SNED1: variants seen among roughly 807,000 people sequenced by gnomAD.
SNED1 encodes the protein sushi, nidogen and EGF-like domain-containing protein 1.
In SNED1, 81 loss-of-function variants were observed where a neutral mutation model predicts 166.7. That is an observed-to-expected ratio of 0.49 (90% CI 0.41 to 0.58). The LOEUF (loss-of-function observed/expected upper bound fraction) is 0.58, where lower values mean the gene tolerates loss of function less well. Among genes scored for constraint, SNED1 ranks in the 20% least tolerant of loss-of-function variants. SNED1 has a pLI of 0.00. For missense variants in SNED1, 1,604 were observed against 2,000.2 expected (o/e 0.80, Z 3.78); for synonymous variants, 762 against 822.0 (o/e 0.93, Z 1.25).
intron 5 of SNED1, 74 bp from the exon 6 acceptor site, chr2:241,037,166 C>A: frequency 7.6e-7 from 1 of 1,322,014 alleles, no homozygotes; most frequent in Non-Finnish European, 1.1e-6. Flanking sequence ...CGTCCCCGGC[C>A]CAACCCGAGC....
intron 1 of SNED1, among the ~76,000 whole-genome samples, chr2:241,004,187 A>C (rs2060154242): frequency 6.6e-6 from 1 of 152,196 alleles, no homozygotes; most frequent in South Asian, 2.1e-4. Context: ...CACTGATAAA[A>C]CTGCAGTCTG....
chr2:241,072,673 C>G (rs951336670), intron 26 of SNED1: 1 of 205,892 alleles, frequency 4.9e-6, no homozygotes. Flanking sequence ...AGAGAGCCCC[C>G]AGCAAGGTGT....
At chr2:241,036,375 C>A (rs1318872783) in intron 4 of SNED1, among the ~76,000 whole-genome samples, 1 of 152,240 alleles carries the variant, frequency 6.6e-6, no homozygotes, top group South Asian at 2.1e-4. Context: ...CCAGCCACAC[C>A]CCCTGCGTGG....
At chr2:241,079,411 C>CAAAAAA (rs757361914) in intron 27 of SNED1, among the ~76,000 whole-genome samples, 124 of 74,462 alleles carry the variant, frequency 1.7e-3, no homozygotes, top group Non-Finnish European at 3.0e-3. Context: ...GACTCCATCT[C>CAAAAAA]AAAAAAAAAA....
At chr2:241,003,128 GC>G (rs1383113651) in intron 1 of SNED1, among the ~76,000 whole-genome samples, 1 of 144,778 alleles carries the variant, frequency 6.9e-6, no homozygotes, top group Non-Finnish European at 1.5e-5. Context: ...CCTCCCCCGG[GC>G]CCCCCGCTCA....
chr2:241,087,528 A>G lies in SNED1; in HGVS notation c.4205+53A>G, dbSNP rs188319553. 5.7e-4 allele frequency: 885 copies of G among 1,554,272 alleles called. 5 individuals carry two copies. In the Middle Eastern group the frequency reaches 0.017, roughly 30 times the overall value. ...TGTCCTGCATGTAGCCCACAGGGTG[A>G]TGGGGCAAGGGCGGGGTGCTATGGG... On this transcript the variant is annotated intron_variant, in intron 30 of 31. Transcript: ENST00000310397.
Position 241,051,333 on chromosome 2 carries a change from G to C in SNED1, c.1736-411G>C, listed in dbSNP as rs1316782029. 1 of 175,718 alleles carries C rather than the reference G, an allele frequency of 5.7e-6. No individual in the cohort carries two copies. Among genetic ancestry groups the C allele is most frequent in the Non-Finnish European group, 1.2e-5 (1 of 84,300 alleles). 10.9% of individuals were successfully genotyped at this position (175,718 alleles called of 1,614,324 possible). On this transcript the variant is annotated intron_variant, in intron 12 of 31. Coordinates refer to ENST00000310397, the MANE Select transcript of SNED1 (RefSeq NM_001080437.3). The surrounding 1 kb of genome is among the most constrained non-coding windows in gnomAD (Gnocchi z 4.7). ...TGCCAATGCAGGTACAGAACACACAGAAATCCAGATTGACTGCTGGGGACC... is the reference window on the plus strand; with the variant it reads ...TGCCAATGCAGGTACAGAACACACACAAATCCAGATTGACTGCTGGGGACC...
Position 241,073,166 on chromosome 2 carries a change from C to T in SNED1, c.3818-100C>T. 1.2e-6 allele frequency: 1 copy of T among 838,512 alleles called. No homozygotes were observed. 51.9% of individuals were successfully genotyped at this position (838,512 alleles called of 1,614,324 possible). A position where few individuals can be genotyped will look rare whatever the true frequency, so the allele number is the denominator to read the frequency against. ...GGAGCCTGGTCCCCACCAGGGACAT[C>T]CGTGCTCCCTGAGATATAGAAGCAC... On this transcript the variant is annotated intron_variant, in intron 26 of 31. Transcript: ENST00000310397. The surrounding 1 kb of genome is among the most constrained non-coding windows in gnomAD (Gnocchi z 6.6).
intron 6 of SNED1, among the ~76,000 whole-genome samples, chr2:241,037,674 A>T (rs2061415156): frequency 1.3e-5 from 2 of 152,190 alleles, no homozygotes; most frequent in Admixed American, 1.3e-4. Flanking sequence ...CAGAGCCCGG[A>T]TGGGAGCCCG....
intron 1 of SNED1, among the ~76,000 whole-genome samples, chr2:241,016,532 A>G (rs1207634742): frequency 6.6e-6 from 1 of 152,142 alleles, no homozygotes; most frequent in Non-Finnish European, 1.5e-5. Context: ...ATATTGCTGA[A>G]TCAGTTTGCT....
intron 3 of SNED1, among the ~76,000 whole-genome samples, 159 bp from the exon 4 acceptor site, chr2:241,034,409 G>A (rs2061280804): frequency 6.6e-6 from 1 of 152,292 alleles, no homozygotes; most frequent in South Asian, 2.1e-4. Context: ...GGGGAGCCAG[G>A]GCCAGCCCTC....
chr2:241,025,466 G>A (rs954933348), intron 1 of SNED1, among the ~76,000 whole-genome samples: 49 of 152,114 alleles, frequency 3.2e-4, no homozygotes, highest in African/African-American at 1.2e-3. Flanking sequence ...CAATGACCTT[G>A]GAACACTTCA....
intron 1 of SNED1, among the ~76,000 whole-genome samples, chr2:241,003,725 C>T (rs1480557777): frequency 6.6e-6 from 1 of 152,196 alleles, no homozygotes; most frequent in Non-Finnish European, 1.5e-5. Context: ...TCTGCACTGC[C>T]CCACCTCTGC....
rs2060654730 is a variant in SNED1, at chr2:241,018,110, G to C, written c.214-12174G>C. ...CCCTCCCAGGTAACACGCAACCCGA[G>C]TAGCTCTGTCTGAGAACCGCCATTC... On this transcript the variant is annotated intron_variant, in intron 1 of 31. Coordinates refer to ENST00000310397, the MANE Select transcript of SNED1 (RefSeq NM_001080437.3). The surrounding 1 kb of genome is among the most constrained non-coding windows in gnomAD (Gnocchi z 5.4). 1.3e-5 allele frequency among the ~76,000 whole-genome samples: 2 copies of C among 152,196 alleles called. No homozygotes were observed. Among genetic ancestry groups the C allele is most frequent in the African/African-American group, 4.8e-5 (2 of 41,446 alleles).
rs556551306 is a variant in SNED1 at position 241,068,370 on chromosome 2, C to T, written c.3194+423C>T. On this transcript the variant is annotated intron_variant, in intron 22 of 31. Coordinates refer to ENST00000310397, the MANE Select transcript of SNED1 (RefSeq NM_001080437.3). The surrounding 1 kb of genome is among the most constrained non-coding windows in gnomAD (Gnocchi z 5.3). Reference sequence around the variant, plus strand: ...CAGCGAGGGTAGATGGTAGCAGCCCCGAGCTCTCCCAGGAGTCCCACAGTG... The same window carrying T: ...CAGCGAGGGTAGATGGTAGCAGCCCTGAGCTCTCCCAGGAGTCCCACAGTG... Among the ~76,000 whole-genome samples the T allele has an allele frequency of 1.9e-3, 281 of 151,128 alleles. 2 individuals carry two copies. The highest frequency in any genetic ancestry group is 6.5e-3 in the African/African-American group (262 of 40,588).
chr2:241,041,755 T>G (rs2061527748), intron 8 of SNED1, among the ~76,000 whole-genome samples: 1 of 152,036 alleles, frequency 6.6e-6, no homozygotes, highest in African/African-American at 2.4e-5. Context: ...AATGACTGAT[T>G]GACTGTATTA....
intron 16 of SNED1, among the ~76,000 whole-genome samples, chr2:241,061,457 G>A (rs1290794840): frequency 6.6e-6 from 1 of 152,210 alleles, no homozygotes; most frequent in Admixed American, 6.5e-5. Flanking sequence ...CACTCTGCCT[G>A]TTGAGCAATC....
At chr2:241,089,917 G>A (rs1016975104) in intron 31 of SNED1, 8 of 1,534,604 alleles carry the variant, frequency 5.2e-6, no homozygotes, top group African/African-American at 4.2e-5. Context: ...TGCCAAGTGT[G>A]TGTGTATCTA....
At chr2:241,072,430 G>A (rs1188196755) in intron 26 of SNED1, 4 of 359,276 alleles carry the variant, frequency 1.1e-5, no homozygotes, top group South Asian at 8.3e-5. Flanking sequence ...AGACATGTTG[G>A]CAGGAGTGAG....
Sources: gnomAD v4.1 joint callset for allele counts (sites outside exome capture counted in the v4.1 genomes callset) on GRCh38, gnomAD v4.1.1 for gene constraint, Gnocchi (gnomAD v3.1) non-coding constraint, MANE v1.5 for transcripts, NCBI Gene and HGNC (gene_info 2026-07-23, HGNC 2026-07-21) for gene names.